The following SLC35F1 variants were observed in gnomAD, a reference collection of about 807,000 sequenced individuals.
SLC35F1 encodes chromosome 6 open reading frame 169.
In SLC35F1, 14 loss-of-function variants were observed where a neutral mutation model predicts 48.7. That is an observed-to-expected ratio of 0.29 (90% CI 0.19 to 0.45). SLC35F1 has a LOEUF of 0.45. SLC35F1 is among the 20% of genes least tolerant of loss of function. The pLI is 1.00. For synonymous variants in SLC35F1, 190 were observed against 202.2 expected (o/e 0.94, Z 0.51); for missense variants, 404 against 500.0 (o/e 0.81, Z 1.83).
intron 2 of SLC35F1, among the ~76,000 whole-genome samples, chr6:118,196,716 C>T (rs776152795): frequency 4.6e-5 from 7 of 151,944 alleles, no homozygotes; most frequent in Non-Finnish European, 1.0e-4. Context: ...GAGTGAGACT[C>T]TGTCTCAAAA....
chr6:118,100,588 G>A (rs1275308814), intron 1 of SLC35F1, among the ~76,000 whole-genome samples: 3 of 152,326 alleles, frequency 2.0e-5, no homozygotes, highest in South Asian at 4.1e-4. Flanking sequence ...GTCTAGGGGG[G>A]TTTCAAATGT....
intron 1 of SLC35F1, among the ~76,000 whole-genome samples, chr6:117,928,273 C>T (rs1411931163): frequency 1.3e-5 from 2 of 152,128 alleles, no homozygotes; most frequent in South Asian, 2.1e-4. Context: ...CGGGTAGACA[C>T]TGCTTCATGC....
chr6:117,923,595 ATG>A (rs72429063), intron 1 of SLC35F1, among the ~76,000 whole-genome samples: 456 of 5,684 alleles, frequency 0.08, 104 homozygotes, highest in South Asian at 0.3. Context: ...ATATATACAT[ATG>A]TGTATATATA....
Position 117,907,904 on chromosome 6 carries a change from G to A in SLC35F1, c.173+5G>A. 10 of 1,340,126 alleles carry A rather than the reference G, an allele frequency of 7.5e-6. No homozygotes were observed. Among genetic ancestry groups the A allele is most frequent in the Non-Finnish European group, 9.5e-6 (10 of 1,051,750 alleles). The allele number at this position is 1,340,126 out of a possible 1,614,324, so 83.0% of individuals were successfully genotyped here. A position where few individuals can be genotyped will look rare whatever the true frequency, so the allele number is the denominator to read the frequency against. On this transcript the variant is annotated splice_donor_5th_base_variant and intron_variant, in intron 1 of 7. Transcript: ENST00000360388. ...GATCCGCAAAGTGCTGAACAGGTGA[G>A]CGGCGGCGCCGGGCGAGGGCGCGGG...
At chr6:118,060,499 A>G (rs934334089) in intron 1 of SLC35F1, among the ~76,000 whole-genome samples, 1 of 152,026 alleles carries the variant, frequency 6.6e-6, no homozygotes, top group South Asian at 2.1e-4. Flanking sequence ...GGATACCCAC[A>G]TTTCTGTTAG....
At chr6:117,909,474 A>C (rs1286403299) in intron 1 of SLC35F1, among the ~76,000 whole-genome samples, 1 of 152,186 alleles carries the variant, frequency 6.6e-6, no homozygotes, top group Non-Finnish European at 1.5e-5. Context: ...ATATGTAATG[A>C]ATCATAGAGC....
At position 118,275,621 on chromosome 6, in the gene SLC35F1, T is replaced by C; in HGVS notation, c.794+6T>C. 1 of 1,612,958 alleles carries C rather than the reference T, an allele frequency of 6.2e-7. No homozygotes were observed. Among genetic ancestry groups the C allele is most frequent in the Non-Finnish European group, 8.5e-7 (1 of 1,179,360 alleles). On this transcript the variant is annotated splice_donor_region_variant and intron_variant, in intron 5 of 7. Coordinates refer to ENST00000360388, the MANE Select transcript of SLC35F1 (RefSeq NM_001029858.4). ...TTTTTCAGTGGAATTCAATTGTGAG[T>C]AAAAATAACAAGAAATATAGATAGT... is the stretch of plus-strand genomic sequence containing the variant.
At chr6:118,277,628 A>G in intron 6 of SLC35F1, 82 bp downstream of exon 6, 1 of 1,247,754 alleles carries the variant, frequency 8.0e-7, no homozygotes, top group Non-Finnish European at 1.2e-6. Flanking sequence ...GGTGGAGCAC[A>G]AACAAGGAGG....
intron 4 of SLC35F1, among the ~76,000 whole-genome samples, chr6:118,268,810 A>G (rs1274351959): frequency 6.6e-6 from 1 of 151,918 alleles, no homozygotes; most frequent in East Asian, 1.9e-4. Flanking sequence ...GGGTTTCATC[A>G]CATTGACCAG....
rs188138481 is a variant in SLC35F1 at position 118,232,228 on chromosome 6, A to T, written c.350-3281A>T. Among the ~76,000 whole-genome samples, 3 of 152,324 alleles carry T rather than the reference A, an allele frequency of 2.0e-5. No homozygotes were observed. The East Asian group carries it at 5.8e-4, about 29-fold the overall frequency. On this transcript the variant is annotated intron_variant, in intron 2 of 7. Coordinates refer to ENST00000360388, the MANE Select transcript of SLC35F1 (RefSeq NM_001029858.4). ...AATAGAGTGAAGAAAGTAGGTAATTATAAGACAGGAGGATAAGCACCATGT... is the reference window on the plus strand; with the variant it reads ...AATAGAGTGAAGAAAGTAGGTAATTTTAAGACAGGAGGATAAGCACCATGT...
intron 2 of SLC35F1, among the ~76,000 whole-genome samples, chr6:118,229,407 C>G (rs1345645276): frequency 6.6e-6 from 1 of 152,148 alleles, no homozygotes; most frequent in Admixed American, 6.5e-5. Context: ...TCCTGGGGAG[C>G]ACCATGCATA....
intron 1 of SLC35F1, among the ~76,000 whole-genome samples, chr6:118,107,503 A>G (rs1773342318): frequency 6.6e-6 from 1 of 152,208 alleles, no homozygotes; most frequent in Admixed American, 6.5e-5. Flanking sequence ...CATATATTAG[A>G]AAAGATTTTC....
intron 2 of SLC35F1, among the ~76,000 whole-genome samples, chr6:118,173,423 C>T (rs1774439258): frequency 6.8e-6 from 1 of 147,380 alleles, no homozygotes; most frequent in Admixed American, 6.7e-5. Flanking sequence ...ACAGCCAAAA[C>T]TTTAGGTTTT....
chr6:118,233,335 A>G (rs1437437560), intron 2 of SLC35F1, among the ~76,000 whole-genome samples: 2 of 152,216 alleles, frequency 1.3e-5, no homozygotes, highest in Admixed American at 6.5e-5. Context: ...TGACAAGACA[A>G]ATCCTGACGA....
chr6:118,027,571 T>C (rs552192710), intron 1 of SLC35F1, among the ~76,000 whole-genome samples: 3 of 152,240 alleles, frequency 2.0e-5, no homozygotes, highest in African/African-American at 7.2e-5. Context: ...ATGTCCTTAT[T>C]GACCATCTTT....
At chr6:118,256,845 C>T (rs1487101867) in intron 3 of SLC35F1, among the ~76,000 whole-genome samples, 2 of 151,970 alleles carry the variant, frequency 1.3e-5, no homozygotes, top group African/African-American at 2.4e-5. Context: ...TGTATATGCT[C>T]GAGAGAGGAA....
chr6:118,075,084 A>G (rs1163455210), intron 1 of SLC35F1, among the ~76,000 whole-genome samples: 2 of 152,194 alleles, frequency 1.3e-5, no homozygotes, highest in Non-Finnish European at 2.9e-5. Flanking sequence ...AGAATGATGA[A>G]GCCATGTTCT....
chr6:118,005,544 T>G (rs1448593413), intron 1 of SLC35F1, among the ~76,000 whole-genome samples: 5 of 152,200 alleles, frequency 3.3e-5, no homozygotes, highest in African/African-American at 1.2e-4. Context: ...TTCTCCATGC[T>G]GAAACCACAG....
rs1775705937 is a variant in SLC35F1, at chr6:117,907,644, C to T, written c.-83C>T. 1 of 816,996 alleles carries T rather than the reference C, an allele frequency of 1.2e-6. No individual in the cohort carries two copies. The highest frequency in any genetic ancestry group is 1.7e-6 in the Non-Finnish European group (1 of 572,092). The allele number at this position is 816,996 out of a possible 1,614,324, so 50.6% of individuals were successfully genotyped here. A position where few individuals can be genotyped will look rare whatever the true frequency, so the allele number is the denominator to read the frequency against. On this transcript the variant is annotated 5_prime_UTR_variant, in exon 1 of 8. Coordinates refer to ENST00000360388, the MANE Select transcript of SLC35F1 (RefSeq NM_001029858.4). ...CGGGCCGCGGCCGCCCGGCCGGGTC[C>T]TCTGCGCGTTCCCGGGCCCGGAACC...
Sources: allele counts gnomAD v4.1 joint callset (sites outside exome capture counted in the v4.1 genomes callset), GRCh38; gene constraint gnomAD v4.1.1; transcripts MANE v1.5; gene names NCBI Gene and HGNC (gene_info 2026-07-23, HGNC 2026-07-21).